Variants in TLR5 observed in about 807,000 individuals in gnomAD.
TLR5 encodes the protein toll-like receptor 5.
For missense variants in TLR5, 944 were observed against 999.8 expected, an observed-to-expected ratio of 0.94 and a Z score of 0.75; for synonymous variants, 373 against 384.4, an observed-to-expected ratio of 0.97 and a Z score of 0.35.
At position 223,138,409 on chromosome 1, in the gene TLR5, C is replaced by T. The variant is rs555197535; in HGVS notation, c.-438-1146G>A. Among the ~76,000 whole-genome samples, 16 of 152,204 alleles carry T rather than the reference C, an allele frequency of 1.1e-4. No homozygotes were observed. The South Asian group carries it at 3.3e-3, about 32-fold the overall frequency. ...ATCTTTCTATCATTCTATTTTCCAA[C>T]AGATACTTTTCTTTTTCCCACCCCC... On this transcript the variant is annotated intron_variant, in intron 2 of 5. Transcript: ENST00000642603.
At chr1:223,123,317 C>T (rs1008500924) in intron 5 of TLR5, among the ~76,000 whole-genome samples, 1 of 152,166 alleles carries the variant, frequency 6.6e-6, no homozygotes, top group African/African-American at 2.4e-5. Flanking sequence ...TGCCACCAAA[C>T]TGGGTGACCT....
intron 5 of TLR5, among the ~76,000 whole-genome samples, chr1:223,122,604 A>T (rs1368628112): frequency 6.6e-6 from 1 of 152,214 alleles, no homozygotes; most frequent in African/African-American, 2.4e-5. Flanking sequence ...GTAGATTCTG[A>T]AGTGCCCTAA....
At chr1:223,126,872 T>C (rs1195205620) in intron 5 of TLR5, 4 of 152,240 alleles carry the variant, frequency 2.6e-5, no homozygotes, top group Non-Finnish European at 4.4e-5. Context: ...CCAAGCACTG[T>C]TAATTAAGTT....
chr1:223,136,494 T>A, intron 3 of TLR5, among the ~76,000 whole-genome samples: 1 of 152,198 alleles, frequency 6.6e-6, no homozygotes, highest in East Asian at 1.9e-4. Flanking sequence ...TTCTTGCACA[T>A]CTGTGCATGC....
chr1:223,111,078 G>C lies in TLR5; in HGVS notation c.1954C>G (p.Leu652Val), dbSNP rs1656302070. The C allele has an allele frequency of 6.2e-7, 1 of 1,614,220 alleles. No individual in the cohort carries two copies. Among genetic ancestry groups the C allele is most frequent in the Non-Finnish European group, 8.5e-7 (1 of 1,180,038 alleles). The change falls in exon 6 of 6, where the codon CTG (leucine) becomes GTG (valine). Residue 652 changes from leucine to valine, a missense_variant. Leu to Val is a conservative substitution (Grantham distance 32). Coordinates refer to ENST00000642603, the MANE Select transcript of TLR5 (RefSeq NM_003268.6). ...ACTGTGAGGATGGTCATGAGGAACAGAGTCAGAGTGACAGTGCATACAATG... is the reference window on the plus strand; with the variant it reads ...ACTGTGAGGATGGTCATGAGGAACACAGTCAGAGTGACAGTGCATACAATG... ...LFIVCTVTLT[L>V]FLMTILTVTK...
intron 5 of TLR5, among the ~76,000 whole-genome samples, chr1:223,114,161 G>C (rs1325504205): frequency 6.6e-6 from 1 of 152,224 alleles, no homozygotes; most frequent in African/African-American, 2.4e-5. Flanking sequence ...TGGCCCACTT[G>C]CTTAAGTCCT....
chr1:223,111,271 A>T lies in TLR5; in HGVS notation c.1761T>A (p.Leu587=). 5 of 1,614,202 alleles carry T rather than the reference A, an allele frequency of 3.1e-6. No homozygotes were observed. Among genetic ancestry groups the T allele is most frequent in the Non-Finnish European group, 2.5e-6 (3 of 1,180,038 alleles). The change falls in exon 6 of 6, where the codon CTT becomes CTA. Residue 587 remains leucine (L), a synonymous_variant. Coordinates refer to ENST00000642603, the MANE Select transcript of TLR5 (RefSeq NM_003268.6). ...THNKFICECE[L]STFINWLNHT... ...GATTAAGCCAATTGATAAAAGTGCT[A>T]AGTTCACATTCACAAATGAACTTGT...
At chr1:223,126,806 G>A (rs1657183881) in intron 5 of TLR5, 1 of 152,300 alleles carries the variant, frequency 6.6e-6, no homozygotes, top group East Asian at 1.9e-4. Flanking sequence ...TTGTATCTAG[G>A]GCTTTGAGGG....
Position 223,112,085 on chromosome 1 carries a change from A to G in TLR5, c.947T>C (p.Val316Ala), listed in dbSNP as rs761853940. Residue 316 changes from valine to alanine, a missense_variant, in exon 6 of 6, where the codon GTT becomes GCT. Transcript: ENST00000642603. ...RVFETLKDLKVLNLAYNKINK... is the reference protein window; with the variant it reads ...RVFETLKDLKALNLAYNKINK... ...TATCTTGTTGTAGGCAAGGTTCAGA[A>G]CCTTCAAATCCTTGAGTGTCTCAAA... 1.9e-6 allele frequency: 3 copies of G among 1,614,108 alleles called. No individual in the cohort carries two copies. The highest frequency in any genetic ancestry group is 2.5e-6 in the Non-Finnish European group (3 of 1,180,052).
intron 5 of TLR5, among the ~76,000 whole-genome samples, chr1:223,116,434 C>T (rs556301063): frequency 3.9e-5 from 6 of 152,208 alleles, no homozygotes; most frequent in African/African-American, 1.4e-4. Flanking sequence ...GTTCATTCCT[C>T]CCTGTGGGTT....
At chr1:223,138,775 G>T (rs1445431560) in intron 2 of TLR5, among the ~76,000 whole-genome samples, 3 of 152,160 alleles carry the variant, frequency 2.0e-5, no homozygotes, top group Non-Finnish European at 4.4e-5. Context: ...TGCCTCATAG[G>T]TTTGAAAAAA....
intron 2 of TLR5, among the ~76,000 whole-genome samples, chr1:223,138,420 C>A (rs1230009949): frequency 1.3e-5 from 2 of 151,854 alleles, no homozygotes; most frequent in South Asian, 4.2e-4. Flanking sequence ...AGATACTTTT[C>A]TTTTTCCCAC....
intron 5 of TLR5, among the ~76,000 whole-genome samples, chr1:223,113,914 G>C (rs537133794): frequency 6.6e-6 from 1 of 152,156 alleles, no homozygotes; most frequent in African/African-American, 2.4e-5. Flanking sequence ...CAGAAAGCTC[G>C]GCTGATGAGT....
intron 5 of TLR5, 38 bp downstream of exon 5, chr1:223,132,437 C>A (rs1571760009): frequency 2.0e-5 from 3 of 152,138 alleles, no homozygotes; most frequent in African/African-American, 4.8e-5. Flanking sequence ...CACACAGACA[C>A]AGACACACTA....
At chr1:223,120,224 G>T (rs766389493) in intron 5 of TLR5, among the ~76,000 whole-genome samples, 1 of 151,928 alleles carries the variant, frequency 6.6e-6, no homozygotes, top group Non-Finnish European at 1.5e-5. Flanking sequence ...CACATTTTTA[G>T]TTCTCATGAA....
chr1:223,112,262 G>A lies in TLR5; in HGVS notation c.770C>T (p.Ser257Phe), dbSNP rs759215116. 3 of 1,614,224 alleles carry A rather than the reference G, an allele frequency of 1.9e-6. No homozygotes were observed. In the Admixed American group the frequency reaches 5.0e-5, roughly 27 times the overall value. Residue 257 changes from serine (S) to phenylalanine (F), a missense_variant, in exon 6 of 6, where the codon TCT (serine) becomes TTT (phenylalanine). Ser to Phe is a radical substitution (Grantham distance 155). Transcript: ENST00000642603. ...CATGATGTGGTGGGCAAGAATCAAA[G>A]AGAAGGCCTGGCTTTTGCTGATGGC... ...SNAISKSQAF[S>F]LILAHHIMGA...
At chr1:223,138,867 G>A (rs1228111154) in intron 2 of TLR5, among the ~76,000 whole-genome samples, 6 of 152,286 alleles carry the variant, frequency 3.9e-5, no homozygotes, top group South Asian at 2.1e-4. Context: ...TAATCCCCAC[G>A]TGTTGAGGGA....
At chr1:223,119,422 T>TAAA (rs1406338484) in intron 5 of TLR5, among the ~76,000 whole-genome samples, 1 of 152,016 alleles carries the variant, frequency 6.6e-6, no homozygotes, top group Non-Finnish European at 1.5e-5. Context: ...TGGACCTTAA[T>TAAA]AAAGTGTTAT....
chr1:223,141,818 TATATAGAGAGAGAG>T (rs1183746286), intron 1 of TLR5, 55 bp from the exon 2 acceptor site: 52 of 43,272 alleles, frequency 1.2e-3, no homozygotes, highest in Admixed American at 3.2e-3. Context: ...TATATATATA[TATATAGAGAGAGAG>T]AGAGAGAGAG....
Sources: allele counts gnomAD v4.1 joint callset (sites outside exome capture counted in the v4.1 genomes callset), GRCh38; gene constraint gnomAD v4.1.1; transcripts MANE v1.5; gene names NCBI Gene and HGNC (gene_info 2026-07-23, HGNC 2026-07-21).